WDR72: variants seen among roughly 807,000 people sequenced by gnomAD.
WDR72 encodes the protein WD repeat domain 72.
A neutral mutation model predicts 124.2 loss-of-function variants in WDR72; 120 were observed. That is an observed-to-expected ratio of 0.97 (90% CI 0.83 to 1.12). WDR72 has a LOEUF of 1.12. WDR72 is among the 50% of genes most tolerant of loss of function. The pLI is 0.00. For missense variants in WDR72, 1,387 were observed against 1,278.8 expected (o/e 1.08, Z -1.29); for synonymous variants, 452 against 441.7 (o/e 1.02, Z -0.29).
At chr15:53,540,103 G>C in intron 18 of WDR72, among the ~76,000 whole-genome samples, 1 of 152,132 alleles carries the variant, frequency 6.6e-6, no homozygotes, top group South Asian at 2.1e-4. Flanking sequence ...TAATATATGT[G>C]TAAGTAATAA....
chr15:53,644,647 C>G (rs1006523210), intron 14 of WDR72, among the ~76,000 whole-genome samples: 1 of 152,074 alleles, frequency 6.6e-6, no homozygotes, highest in African/African-American at 2.4e-5. Flanking sequence ...GTAAATCGAA[C>G]AGCAAGGTGT....
intron 3 of WDR72, 74 bp from the exon 4 acceptor site, chr15:53,716,759 G>C: frequency 9.1e-7 from 1 of 1,104,940 alleles, no homozygotes; most frequent in Non-Finnish European, 1.4e-6. Flanking sequence ...GTGCCACCAA[G>C]TTTTTCTTTA....
At chr15:53,700,342 A>C (rs2017133606) in intron 12 of WDR72, among the ~76,000 whole-genome samples, 1 of 152,206 alleles carries the variant, frequency 6.6e-6, no homozygotes, top group Non-Finnish European at 1.5e-5. Flanking sequence ...GGGTATCATG[A>C]GCTGATATTT....
intron 5 of WDR72, among the ~76,000 whole-genome samples, chr15:53,714,967 T>C (rs528724245): frequency 6.6e-6 from 1 of 152,286 alleles, no homozygotes; most frequent in South Asian, 2.1e-4. Context: ...CAAATTCTCC[T>C]CTTTCCCCCT....
chr15:53,557,477 G>T (rs1893971926), intron 18 of WDR72, among the ~76,000 whole-genome samples: 1 of 152,048 alleles, frequency 6.6e-6, no homozygotes, highest in Non-Finnish European at 1.5e-5. Context: ...AGATTATAGA[G>T]TGATTGCTTG....
chr15:53,726,190 ATATG>A (rs1409246410), intron 2 of WDR72, among the ~76,000 whole-genome samples: 1 of 140,958 alleles, frequency 7.1e-6, no homozygotes. Flanking sequence ...ATATATATAT[ATATG>A]TGTGTGTGTA....
chr15:53,734,733 CAGGAAGATA>C (rs1032020270), intron 1 of WDR72, among the ~76,000 whole-genome samples: 121 of 151,730 alleles, frequency 8.0e-4, no homozygotes, highest in African/African-American at 2.9e-3. Context: ...AAAACTACCC[CAGGAAGATA>C]AGAAAGAGTA....
chr15:53,705,983 A>C lies in WDR72; in HGVS notation c.1046T>G (p.Ile349Ser). 6.2e-7 allele frequency: 1 copy of C among 1,614,120 alleles called. No individual in the cohort carries two copies. The highest frequency in any genetic ancestry group is 8.5e-7 in the Non-Finnish European group (1 of 1,180,008). The change falls in exon 10 of 20, where the codon ATT (isoleucine) becomes AGT (serine). Residue 349 changes from isoleucine to serine, a missense_variant. Transcript: ENST00000360509. The part of the protein sequence containing the change: ...VLFSGEVSGR[I>S]TLWHIPDVPV... ...AACATCAGGGATGTGCCACAAAGTAATTCTTCCTGAGACTTCTCCAGAGAA... is the reference window on the plus strand; with the variant it reads ...AACATCAGGGATGTGCCACAAAGTACTTCTTCCTGAGACTTCTCCAGAGAA...
chr15:53,585,387 C>T (rs1479339944), intron 18 of WDR72, among the ~76,000 whole-genome samples: 1 of 151,940 alleles, frequency 6.6e-6, no homozygotes. Flanking sequence ...GGAAACCGCC[C>T]CTGTGATCCA....
Position 53,712,886 on chromosome 15 carries a change from C to T in WDR72, c.597G>A (p.Lys199=), listed in dbSNP as rs1229770738. ...LSSSINSIQE[K]QDVYEKESKF... ...TGGATTCTTTTTCATAGACATCTTG[C>T]TTTTCCTTCAAAAGGAAAGAAAATC... Residue 199 remains lysine (K), a synonymous_variant, in exon 7 of 20, where the codon AAG becomes AAA. Coordinates refer to ENST00000360509, the MANE Select transcript of WDR72 (RefSeq NM_182758.4). 4.3e-6 allele frequency: 7 copies of T among 1,613,458 alleles called. No homozygotes were observed. The highest frequency in any genetic ancestry group is 5.9e-6 in the Non-Finnish European group (7 of 1,179,676).
At chr15:53,629,584 A>G (rs2014344204) in intron 14 of WDR72, among the ~76,000 whole-genome samples, 1 of 152,174 alleles carries the variant, frequency 6.6e-6, no homozygotes, top group Non-Finnish European at 1.5e-5. Context: ...CAGAACTTCT[A>G]GGTTAATTAA....
chr15:53,671,640 T>C (rs2015992563), intron 13 of WDR72, among the ~76,000 whole-genome samples: 1 of 152,194 alleles, frequency 6.6e-6, no homozygotes, highest in Admixed American at 6.5e-5. Flanking sequence ...ATATGCACTA[T>C]AAACTTAGAC....
chr15:53,546,205 A>C (rs971199096), intron 18 of WDR72, among the ~76,000 whole-genome samples: 290 of 149,740 alleles, frequency 1.9e-3, no homozygotes, highest in Non-Finnish European at 3.5e-3. Flanking sequence ...CTATAAAGAC[A>C]CATGCACACG....
At chr15:53,710,807 A>G (rs1397115778) in intron 9 of WDR72, 50 bp downstream of exon 9, 2 of 1,449,838 alleles carry the variant, frequency 1.4e-6, no homozygotes, top group Admixed American at 3.3e-5. Context: ...ACACTTATCC[A>G]AGAAACTGAG....
chr15:53,688,691 C>A (rs2016731928), intron 13 of WDR72, among the ~76,000 whole-genome samples: 1 of 152,116 alleles, frequency 6.6e-6, no homozygotes, highest in South Asian at 2.1e-4. Context: ...CAATGCCTTT[C>A]TTCACAGAAT....
At chr15:53,733,296 C>A (rs2140614219) in intron 1 of WDR72, 135 bp from the exon 2 acceptor site, 1 of 930,046 alleles carries the variant, frequency 1.1e-6, no homozygotes, top group African/African-American at 1.6e-5. Context: ...AAGGGTGTTT[C>A]CCCGTCAATT....
At chr15:53,672,557 G>C (rs1567018267) in intron 13 of WDR72, among the ~76,000 whole-genome samples, 2 of 152,094 alleles carry the variant, frequency 1.3e-5, no homozygotes, top group Admixed American at 6.5e-5. Context: ...CCGGTTATGA[G>C]ATCTGATCTT....
At chr15:53,610,645 A>G (rs962346825) in intron 16 of WDR72, among the ~76,000 whole-genome samples, 2 of 152,034 alleles carry the variant, frequency 1.3e-5, no homozygotes, top group Non-Finnish European at 2.9e-5. Flanking sequence ...ATTGTATACA[A>G]TGCAATTTGA....
intron 18 of WDR72, among the ~76,000 whole-genome samples, chr15:53,582,431 C>T (rs781655244): frequency 2.0e-5 from 3 of 151,708 alleles, no homozygotes; most frequent in Non-Finnish European, 2.9e-5. Context: ...CTGAGGGTGG[C>T]GCCTGCACAA....
Sources: allele counts gnomAD v4.1 joint callset (sites outside exome capture counted in the v4.1 genomes callset), GRCh38; gene constraint gnomAD v4.1.1; transcripts MANE v1.5; gene names NCBI Gene and HGNC (gene_info 2026-07-23, HGNC 2026-07-21).